PRELID2: variants seen among roughly 807,000 people sequenced by gnomAD.
PRELID2 encodes the protein PRELI domain-containing protein 2.
Under a neutral mutation model 28.4 loss-of-function variants are expected in PRELID2, and 25 were observed. That is an observed-to-expected ratio of 0.88 (90% CI 0.64 to 1.23). The LOEUF is 1.23. Among genes scored for constraint, PRELID2 ranks in the 50% most tolerant of loss-of-function variants. The probability of loss-of-function intolerance (pLI) is 0.00; values close to 1 mark genes in which losing one functional copy is unlikely to be tolerated. For synonymous variants in PRELID2, 76 were observed against 71.6 expected, an observed-to-expected ratio of 1.06 and a Z score of -0.31; for missense variants, 201 against 214.4, an observed-to-expected ratio of 0.94 and a Z score of 0.39.
intron 1 of PRELID2, among the ~76,000 whole-genome samples, chr5:145,687,919 C>T (rs1210108036): frequency 3.9e-5 from 6 of 152,214 alleles, no homozygotes; most frequent in Admixed American, 2.6e-4. Flanking sequence ...CCCAGTGAAA[C>T]TAGAGGCAAA....
At chr5:145,632,392 TTGA>T (rs1345281411) in intron 1 of PRELID2, among the ~76,000 whole-genome samples, 1 of 152,212 alleles carries the variant, frequency 6.6e-6, no homozygotes, top group African/African-American at 2.4e-5. Context: ...CAATAAGAAG[TTGA>T]TAATTTTTAA....
At chr5:145,646,000 A>G (rs143362924) in intron 1 of PRELID2, among the ~76,000 whole-genome samples, 4,669 of 152,016 alleles carry the variant, frequency 0.031, 257 homozygotes, top group African/African-American at 0.11. Flanking sequence ...GAATCTGACA[A>G]TTATGTTTCT....
At chr5:145,488,746 T>C (rs948427569) in intron 1 of PRELID2, among the ~76,000 whole-genome samples, 3 of 152,186 alleles carry the variant, frequency 2.0e-5, no homozygotes, top group Non-Finnish European at 2.9e-5. Context: ...TAGGTAGTAA[T>C]AGTTTTTAAG....
At chr5:145,828,378 A>C (rs976054905) in intron 1 of PRELID2, among the ~76,000 whole-genome samples, 1 of 152,240 alleles carries the variant, frequency 6.6e-6, no homozygotes, top group Non-Finnish European at 1.5e-5. Flanking sequence ...CTTGCAATTT[A>C]CTGTGGTGTG....
intron 5 of PRELID2, among the ~76,000 whole-genome samples, chr5:145,778,532 C>T (rs893749518): frequency 6.6e-6 from 1 of 152,202 alleles, no homozygotes; most frequent in Non-Finnish European, 1.5e-5. Context: ...ACTCAGTACC[C>T]GCCAAGCTGA....
chr5:145,508,969 G>T (rs1034013359), intron 1 of PRELID2, among the ~76,000 whole-genome samples: 2 of 152,198 alleles, frequency 1.3e-5, no homozygotes, highest in African/African-American at 2.4e-5. Context: ...CTGGTCTAAT[G>T]AGTCCAAATT....
chr5:145,520,832 T>C (rs1443293677), intron 1 of PRELID2, among the ~76,000 whole-genome samples: 3 of 152,112 alleles, frequency 2.0e-5, no homozygotes, highest in African/African-American at 4.8e-5. Context: ...GCCGAGAACA[T>C]AGTACTCAAT....
At chr5:145,692,431 A>G (rs1755169896) in intron 1 of PRELID2, among the ~76,000 whole-genome samples, 1 of 152,102 alleles carries the variant, frequency 6.6e-6, no homozygotes, top group Non-Finnish European at 1.5e-5. Flanking sequence ...GTGTTTCTGA[A>G]TATTAGCAAA....
chr5:145,357,882 C>T, the PRELID2 span, among the ~76,000 whole-genome samples: 107 of 151,530 alleles, frequency 7.1e-4, no homozygotes, highest in African/African-American at 2.5e-3. Context: ...GCTGACATTC[C>T]TTCAATCTGT....
chr5:145,343,213 A>G, the PRELID2 span, among the ~76,000 whole-genome samples: 1 of 152,016 alleles, frequency 6.6e-6, no homozygotes, highest in East Asian at 1.9e-4. Context: ...ATGACTGCAG[A>G]GTATATATTC....
intron 1 of PRELID2, among the ~76,000 whole-genome samples, chr5:145,690,343 G>T (rs534246281): frequency 6.6e-6 from 1 of 152,134 alleles, no homozygotes; most frequent in Non-Finnish European, 1.5e-5. Context: ...TTCCAATTCA[G>T]TTTAGCAGTG....
At chr5:145,780,605 G>GT (rs958614428) in intron 5 of PRELID2, among the ~76,000 whole-genome samples, 33 of 152,232 alleles carry the variant, frequency 2.2e-4, no homozygotes, top group Middle Eastern at 3.4e-3. Flanking sequence ...TGTTAAATAA[G>GT]TTTTTTTAAT....
intron 1 of PRELID2, among the ~76,000 whole-genome samples, chr5:145,674,327 C>A (rs1754771265): frequency 6.6e-6 from 1 of 151,274 alleles, no homozygotes; most frequent in Admixed American, 6.6e-5. Flanking sequence ...TACCCCATGA[C>A]AGGCCCGGGT....
At chr5:145,272,630 G>C in the PRELID2 span, among the ~76,000 whole-genome samples, 12 of 151,738 alleles carry the variant, frequency 7.9e-5, no homozygotes, top group African/African-American at 2.9e-4. Context: ...TAGAAGCCTT[G>C]GTTTCCCATC....
At chr5:145,279,797 ATT>A in the PRELID2 span, among the ~76,000 whole-genome samples, 1 of 150,764 alleles carries the variant, frequency 6.6e-6, no homozygotes, top group Non-Finnish European at 1.5e-5. Flanking sequence ...ATTAAAGAGG[ATT>A]TTTTTTTAAT....
chr5:145,443,388 C>T, the PRELID2 span, among the ~76,000 whole-genome samples: 2 of 151,962 alleles, frequency 1.3e-5, no homozygotes, highest in Non-Finnish European at 2.9e-5. Context: ...AGAAATAAGT[C>T]TCATTGTCTT....
At chr5:145,774,353 A>C (rs1175696865) in intron 5 of PRELID2, among the ~76,000 whole-genome samples, 2 of 152,198 alleles carry the variant, frequency 1.3e-5, no homozygotes, top group Non-Finnish European at 2.9e-5. Context: ...ACCTCACTGA[A>C]TGTGTTTCTG....
the PRELID2 span, among the ~76,000 whole-genome samples, chr5:145,371,080 C>G: frequency 6.6e-6 from 1 of 152,100 alleles, no homozygotes; most frequent in Non-Finnish European, 1.5e-5. Context: ...TTGACCTCCT[C>G]TCTGCCTATC....
At chr5:145,306,177 T>C in the PRELID2 span, among the ~76,000 whole-genome samples, 2 of 152,194 alleles carry the variant, frequency 1.3e-5, no homozygotes, top group Admixed American at 1.3e-4. Flanking sequence ...AAATGACTTA[T>C]GGAGTTTGAA....
Sources: gnomAD v4.1 joint callset for allele counts (sites outside exome capture counted in the v4.1 genomes callset) on GRCh38, gnomAD v4.1.1 for gene constraint, MANE v1.5 for transcripts, NCBI Gene and HGNC (gene_info 2026-07-23, HGNC 2026-07-21) for gene names.